Variants in OSMR observed in about 807,000 individuals in gnomAD.
OSMR encodes the protein oncostatin-M-specific receptor subunit beta.
A neutral mutation model predicts 99.9 loss-of-function variants in OSMR; 81 were observed. The ratio of observed to expected loss-of-function variants is 0.81; its 90% CI spans 0.68 to 0.97. OSMR has a LOEUF of 0.97. OSMR is among the 50% of genes least tolerant of loss of function. The probability of loss-of-function intolerance (pLI) is 0.00; values close to 1 mark genes in which losing one functional copy is unlikely to be tolerated. For missense variants in OSMR, 1,099 were observed against 1,153.4 expected (o/e 0.95, Z 0.68); for synonymous variants, 406 against 410.4 (o/e 0.99, Z 0.13).
At chr5:38,925,125 G>C in intron 14 of OSMR, 79 bp from the exon 15 acceptor site, 4 of 1,585,924 alleles carry the variant, frequency 2.5e-6, no homozygotes, top group Non-Finnish European at 3.4e-6. Context: ...TTAGTGTCCA[G>C]CTCTCTCACA....
chr5:38,860,366 C>G (rs1741188762), intron 1 of OSMR, among the ~76,000 whole-genome samples: 1 of 152,134 alleles, frequency 6.6e-6, no homozygotes, highest in Admixed American at 6.5e-5. Flanking sequence ...TAACGTATCA[C>G]ATTTATTGAT....
At chr5:38,928,998 C>T (rs1406332365) in intron 15 of OSMR, among the ~76,000 whole-genome samples, 1 of 152,038 alleles carries the variant, frequency 6.6e-6, no homozygotes, top group East Asian at 1.9e-4. Flanking sequence ...CCTGGCTTGG[C>T]TTGTGACTAT....
chr5:38,865,973 C>G (rs1250892429), intron 1 of OSMR, among the ~76,000 whole-genome samples: 1 of 152,176 alleles, frequency 6.6e-6, no homozygotes, highest in Admixed American at 6.5e-5. Context: ...ATGGCAGGCT[C>G]ATGCTCAGGC....
rs1018278154 is a variant in OSMR, at chr5:38,934,167, T to C, written c.*723T>C. ...TACTGTCAGTTGTACTTCTGCTCCA[T>C]AGACATCAGTATTCTGCCATCATTT... On this transcript the variant is annotated 3_prime_UTR_variant, in exon 18 of 18. Coordinates refer to ENST00000274276, the MANE Select transcript of OSMR (RefSeq NM_003999.3). 6.6e-6 allele frequency: 1 copy of C among 152,664 alleles called. No individual in the cohort carries two copies. The highest frequency in any genetic ancestry group is 2.4e-5 in the African/African-American group (1 of 41,454). 9.5% of individuals were successfully genotyped at this position (152,664 alleles called of 1,614,324 possible).
chr5:38,937,360 T>C (rs942584007), downstream of OSMR, among the ~76,000 whole-genome samples: 2 of 152,226 alleles, frequency 1.3e-5, no homozygotes, highest in Non-Finnish European at 2.9e-5. The surrounding 1 kb of genome is among the most constrained non-coding windows in gnomAD (Gnocchi z 4.0). Flanking sequence ...TTCAATGACA[T>C]ACACAGTGGA....
downstream of OSMR, chr5:38,939,849 C>A (rs1206841989): frequency 8.9e-6 from 2 of 223,766 alleles, no homozygotes; most frequent in Non-Finnish European, 1.8e-5. Context: ...TCATTCCTAA[C>A]CTCTTCTGCT....
At chr5:38,870,573 CTTGCAGAGTCCAATTAAAA>C (rs1742311047) in intron 2 of OSMR, among the ~76,000 whole-genome samples, 1 of 152,158 alleles carries the variant, frequency 6.6e-6, no homozygotes, top group Admixed American at 6.5e-5. Flanking sequence ...TTGCTTGCAG[CTTGCAGAGTCCAATTAAAA>C]TGAGCAAGGT....
intron 2 of OSMR, among the ~76,000 whole-genome samples, chr5:38,874,878 AT>A (rs1742686070): frequency 6.6e-6 from 1 of 152,366 alleles, no homozygotes; most frequent in Non-Finnish European, 1.5e-5. Context: ...ATGAGACAAC[AT>A]AAGTAAAGAC....
At chr5:38,890,683 A>C (rs1259885282) in intron 7 of OSMR, among the ~76,000 whole-genome samples, 1 of 152,032 alleles carries the variant, frequency 6.6e-6, no homozygotes, top group African/African-American at 2.4e-5. Flanking sequence ...CAACAGTAGA[A>C]TATCTTAACT....
chr5:38,881,608 A>C lies in OSMR; in HGVS notation c.262A>C (p.Thr88Pro). 1 of 1,614,144 alleles carries C rather than the reference A, an allele frequency of 6.2e-7. No homozygotes were observed. Among genetic ancestry groups the C allele is most frequent in the Non-Finnish European group, 8.5e-7 (1 of 1,180,012 alleles). ...TTGCTTTTAGGGGAATTACAGCACCACTGTGAAGTGGAACCAGGTTCTGCA... is the reference window on the plus strand; with the variant it reads ...TTGCTTTTAGGGGAATTACAGCACCCCTGTGAAGTGGAACCAGGTTCTGCA... ...NVIWVGNYST[T>P]VKWNQVLHWS... The change falls in exon 4 of 18, where the codon ACT becomes CCT. Residue 88 changes from threonine (T) to proline (P), a missense_variant. Thr to Pro is a conservative substitution (Grantham distance 38). Transcript: ENST00000274276.
chr5:38,911,517 A>T (rs1745583473), intron 9 of OSMR, among the ~76,000 whole-genome samples: 1 of 152,178 alleles, frequency 6.6e-6, no homozygotes, highest in African/African-American at 2.4e-5. Context: ...TACGGAAACT[A>T]TTCCAAAAAA....
intron 1 of OSMR, among the ~76,000 whole-genome samples, chr5:38,863,877 ATCT>A (rs1335514219): frequency 2.0e-5 from 3 of 152,088 alleles, no homozygotes; most frequent in African/African-American, 7.2e-5. Context: ...TATTTTTTAG[ATCT>A]TCTTGCTGAA....
intron 7 of OSMR, among the ~76,000 whole-genome samples, chr5:38,901,759 G>T (rs1361115025): frequency 6.6e-6 from 1 of 152,210 alleles, no homozygotes; most frequent in African/African-American, 2.4e-5. Flanking sequence ...TCTAAAAGCA[G>T]TGCCTGGACC....
At chr5:38,926,269 C>G (rs1022675627) in intron 15 of OSMR, among the ~76,000 whole-genome samples, 5 of 152,204 alleles carry the variant, frequency 3.3e-5, no homozygotes, top group African/African-American at 1.2e-4. Context: ...GAGATGGGCA[C>G]ATCCTGTTGG....
At chr5:38,858,563 A>G (rs1741039586) in intron 1 of OSMR, among the ~76,000 whole-genome samples, 1 of 152,218 alleles carries the variant, frequency 6.6e-6, no homozygotes, top group South Asian at 2.1e-4. Context: ...ATAGCGCTGC[A>G]ACAAACATGG....
At position 38,932,877 on chromosome 5, in the gene OSMR, C is replaced by A; in HGVS notation, c.2373C>A (p.Asn791Lys). The change falls in exon 18 of 18, where the codon AAC becomes AAA. Residue 791 changes from asparagine (N) to lysine (K), a missense_variant. Coordinates refer to ENST00000274276, the MANE Select transcript of OSMR (RefSeq NM_003999.3). ...TATTTTTGTTTCCTTTCTAGGAGAA[C>A]CCTCACCTAATAATAATGAATGTCA... ...SILSLIKFKENPHLIIMNVSD... is the reference protein window; with the variant it reads ...SILSLIKFKEKPHLIIMNVSD... 1.2e-6 allele frequency: 2 copies of A among 1,613,322 alleles called. No homozygotes were observed. The highest frequency in any genetic ancestry group is 1.7e-6 in the Non-Finnish European group (2 of 1,179,360).
intron 1 of OSMR, among the ~76,000 whole-genome samples, chr5:38,860,417 C>T (rs887443204): frequency 6.6e-6 from 1 of 152,056 alleles, no homozygotes; most frequent in South Asian, 2.1e-4. Context: ...GGGATAAATC[C>T]CACTTGATCA....
At chr5:38,866,911 G>A (rs1741994243) in intron 1 of OSMR, among the ~76,000 whole-genome samples, 1 of 152,160 alleles carries the variant, frequency 6.6e-6, no homozygotes, top group Non-Finnish European at 1.5e-5. Context: ...GCACTGGGGA[G>A]TTTCTTCTTG....
At chr5:38,941,722 G>C (rs758497663) in intron 1 of OSMR, 3 of 231,874 alleles carry the variant, frequency 1.3e-5, no homozygotes, top group Non-Finnish European at 2.6e-5. Flanking sequence ...GGTTGTTGAG[G>C]CTCTTCTTCT....
Sources: gnomAD v4.1 joint callset for allele counts (sites outside exome capture counted in the v4.1 genomes callset) on GRCh38, gnomAD v4.1.1 for gene constraint, Gnocchi (gnomAD v3.1) non-coding constraint, MANE v1.5 for transcripts, NCBI Gene and HGNC (gene_info 2026-07-23, HGNC 2026-07-21) for gene names.